Variants in SNRNP48 observed in about 807,000 individuals in gnomAD.
SNRNP48 encodes small nuclear ribonucleoprotein U11/U12 subunit 48, also known as U11/U12 small nuclear ribonucleoprotein 48 kDa protein.
Under a neutral mutation model 47.0 loss-of-function variants are expected in SNRNP48, and 43 were observed. That is an observed-to-expected ratio of 0.92 (90% CI 0.72 to 1.18). SNRNP48 has a LOEUF of 1.18. SNRNP48 is among the 50% of genes most tolerant of loss of function. The probability of loss-of-function intolerance (pLI) is 0.00; values close to 1 mark genes in which losing one functional copy is unlikely to be tolerated. For missense variants in SNRNP48, 396 were observed against 422.2 expected (o/e 0.94, Z 0.54); for synonymous variants, 138 against 144.0 (o/e 0.96, Z 0.30).
At chr6:7,594,973 A>G in intron 3 of SNRNP48, 54 bp from the exon 4 acceptor site, 2 of 1,452,364 alleles carry the variant, frequency 1.4e-6, no homozygotes, top group Non-Finnish European at 1.9e-6. Flanking sequence ...TAATAATTTA[A>G]TTGTGGTCAC....
intron 4 of SNRNP48, among the ~76,000 whole-genome samples, chr6:7,597,253 T>C (rs910410662): frequency 1.3e-5 from 2 of 152,236 alleles, no homozygotes; most frequent in African/African-American, 4.8e-5. Flanking sequence ...CTGAGTTGTT[T>C]GATTTTCTGT....
At chr6:7,608,220 G>T (rs937844018) in intron 8 of SNRNP48, among the ~76,000 whole-genome samples, 1 of 152,038 alleles carries the variant, frequency 6.6e-6, no homozygotes, top group Admixed American at 6.5e-5. Context: ...TCGAATTAAA[G>T]TGTTTTTTTT....
At chr6:7,601,143 TTG>T in intron 4 of SNRNP48, 191 bp from the exon 5 acceptor site, 2 of 445,678 alleles carry the variant, frequency 4.5e-6, no homozygotes. Flanking sequence ...TTTTTTTTTT[TTG>T]TGGATATAAC....
chr6:7,602,798 A>T, intron 6 of SNRNP48, 54 bp downstream of exon 6: 2 of 1,479,652 alleles, frequency 1.4e-6, no homozygotes, highest in East Asian at 2.4e-5. Context: ...AATTTTCTAA[A>T]TCTGTTCTAT....
In SNRNP48 at chr6:7,595,095, A is replaced by C. The variant is rs1026885565; in HGVS notation, c.400A>C (p.Asn134His). The change falls in exon 4 of 9, where the codon AAT becomes CAT. Residue 134 changes from asparagine (N) to histidine (H), a missense_variant. Physicochemically the swap from Asn to His is moderately conservative, Grantham distance 68. Coordinates refer to ENST00000342415, the MANE Select transcript of SNRNP48 (RefSeq NM_152551.4). ...TAVGKDSDCY[N>H]QRIYSSLPVE... ...AGTTGGGAAAGACAGTGATTGTTAT[A>C]ATCAAAGTAAGTGGCATTACAGTTT... 1 of 1,592,984 alleles carries C rather than the reference A, an allele frequency of 6.3e-7. No homozygotes were observed. Among genetic ancestry groups the C allele is most frequent in the Non-Finnish European group, 8.5e-7 (1 of 1,172,730 alleles).
At position 7,590,300 on chromosome 6, in the gene SNRNP48, CAGG is replaced by C; in HGVS notation, c.49_51del (p.Glu17del). The C allele has an allele frequency of 2.9e-6, 4 of 1,379,616 alleles. No homozygotes were observed. Among genetic ancestry groups the C allele is most frequent in the Non-Finnish European group, 3.8e-6 (4 of 1,054,402 alleles). The allele number at this position is 1,379,616 out of a possible 1,614,324, so 85.5% of individuals were successfully genotyped here. A position where few individuals can be genotyped will look rare whatever the true frequency, so the allele number is the denominator to read the frequency against. On this transcript the variant is annotated inframe_deletion, in exon 1 of 9. Transcript: ENST00000342415. ...ACCTGTGGAGGAGCGGCGGCGGCTG[CAGG>C]AGGAGCTGAACGAGTTCGTGGAGAG...
At chr6:7,599,842 G>A in intron 4 of SNRNP48, 6 of 1,140,122 alleles carry the variant, frequency 5.3e-6, no homozygotes, top group East Asian at 6.2e-5. Context: ...TGAATTACAA[G>A]GAATTTAAGT....
At chr6:7,594,784 C>T (rs141072709) in intron 3 of SNRNP48, among the ~76,000 whole-genome samples, 1 of 152,250 alleles carries the variant, frequency 6.6e-6, no homozygotes, top group African/African-American at 2.4e-5. Flanking sequence ...TAAAATTTGT[C>T]GCTGCTACTG....
intron 6 of SNRNP48, among the ~76,000 whole-genome samples, chr6:7,604,994 A>G: frequency 6.6e-6 from 1 of 151,228 alleles, no homozygotes; most frequent in East Asian, 1.9e-4. Flanking sequence ...TTTGCCACAT[A>G]GCTTCTCATT....
At chr6:7,607,462 C>G (rs1760148827) in intron 8 of SNRNP48, among the ~76,000 whole-genome samples, 1 of 152,206 alleles carries the variant, frequency 6.6e-6, no homozygotes, top group Non-Finnish European at 1.5e-5. Flanking sequence ...GCCTGAGTTA[C>G]TTAGAGTTCC....
chr6:7,591,396 A>C (rs1231516408), intron 1 of SNRNP48, among the ~76,000 whole-genome samples: 1 of 152,154 alleles, frequency 6.6e-6, no homozygotes, highest in Non-Finnish European at 1.5e-5. Flanking sequence ...ATGTGGGGTA[A>C]TTCATTATCT....
In SNRNP48 at chr6:7,601,349, AT is replaced by A; in HGVS notation, c.422del (p.Leu141CysfsTer7). 1.3e-6 allele frequency: 2 copies of A among 1,571,308 alleles called. No individual in the cohort carries two copies. Among genetic ancestry groups the A allele is most frequent in the Non-Finnish European group, 1.7e-6 (2 of 1,168,948 alleles). On this transcript the variant is annotated frameshift_variant, in exon 5 of 9. Transcript: ENST00000342415. LOFTEE classifies it high-confidence loss of function. ...TTTTTACTTTAGGAATTTATTCTTC[AT>A]TGCCTGTTGAAGTTCCTTTGAATCA... ...DCYNQRIYSS[L>X]PVEVPLNHKR...
chr6:7,604,249 C>T (rs369448771), intron 6 of SNRNP48, among the ~76,000 whole-genome samples: 1 of 152,192 alleles, frequency 6.6e-6, no homozygotes. Context: ...ACTCATGTCA[C>T]TCCGCTAGGT....
chr6:7,606,613 A>G (rs1255144706), intron 8 of SNRNP48, among the ~76,000 whole-genome samples: 1 of 152,156 alleles, frequency 6.6e-6, no homozygotes, highest in Non-Finnish European at 1.5e-5. Flanking sequence ...GAGAACATCT[A>G]AATTTTGACA....
At position 7,606,012 on chromosome 6, in the gene SNRNP48, A is replaced by T. The variant is rs184012722; in HGVS notation, c.807-19A>T. ...CCAGTGGTAACACAAACTGATTAAC[A>T]TTCTTTTCTGTGTTTTAGGAATGAA... On this transcript the variant is annotated intron_variant, in intron 7 of 8. Coordinates refer to ENST00000342415, the MANE Select transcript of SNRNP48 (RefSeq NM_152551.4). 5 of 1,586,356 alleles carry T rather than the reference A, an allele frequency of 3.2e-6. No homozygotes were observed. The African/African-American group carries it at 6.8e-5, about 22-fold the overall frequency.
chr6:7,608,724 A>G (rs1760177667), intron 8 of SNRNP48, 101 bp from the exon 9 acceptor site: 2 of 523,340 alleles, frequency 3.8e-6, no homozygotes, highest in South Asian at 1.2e-4. Context: ...AAAGTAGCAT[A>G]TTACTGTTGA....
intron 1 of SNRNP48, among the ~76,000 whole-genome samples, chr6:7,592,947 G>C (rs1280772335): frequency 6.6e-6 from 1 of 152,110 alleles, no homozygotes; most frequent in African/African-American, 2.4e-5. Flanking sequence ...TTGAGCAAGG[G>C]GGACCTTTCA....
chr6:7,604,461 G>A (rs1449402474), intron 6 of SNRNP48, among the ~76,000 whole-genome samples: 1 of 152,176 alleles, frequency 6.6e-6, no homozygotes, highest in South Asian at 2.1e-4. Context: ...TCTATCTTAT[G>A]TAGGAAAATC....
At chr6:7,600,924 G>A (rs1313301896) in intron 4 of SNRNP48, 4 of 154,032 alleles carry the variant, frequency 2.6e-5, no homozygotes, top group African/African-American at 9.6e-5. Context: ...CAAAGGGACT[G>A]TAATGCATAT....
Sources: allele counts gnomAD v4.1 joint callset (sites outside exome capture counted in the v4.1 genomes callset), GRCh38; gene constraint gnomAD v4.1.1; transcripts MANE v1.5; gene names NCBI Gene and HGNC (gene_info 2026-07-23, HGNC 2026-07-21).